Variants in ARHGAP35 observed in about 807,000 individuals in gnomAD.
The protein encoded by ARHGAP35 is rho GTPase-activating protein 35.
Under a neutral mutation model 111.1 loss-of-function variants are expected in ARHGAP35, and 15 were observed. The observed-to-expected ratio is 0.13, with a 90% confidence interval of 0.09 to 0.21. The LOEUF is 0.21. Ranked by LOEUF, ARHGAP35 falls within the 10% of genes least tolerant of loss-of-function variation. The pLI is 1.00. For synonymous variants in ARHGAP35, 643 were observed against 710.3 expected (o/e 0.91, Z 1.51); for missense variants, 1,262 against 1,873.0 (o/e 0.67, Z 6.02).
In ARHGAP35 at chr19:46,887,509, C is replaced by T. The variant is rs147424983; in HGVS notation, c.-189+26300C>T. Among the ~76,000 whole-genome samples, 30 of 152,166 alleles carry T rather than the reference C, an allele frequency of 2.0e-4. No homozygotes were observed. The East Asian group carries it at 5.4e-3, about 27-fold the overall frequency. On this transcript the variant is annotated intron_variant, in intron 1 of 6. Transcript: ENST00000672722. ...CTTTTTTGTATATCTAAAATTATTC[C>T]AGAGTAAGAAATTGAAATAGAAGCT...
At chr19:46,882,290 A>G (rs1405667313) in intron 1 of ARHGAP35, among the ~76,000 whole-genome samples, 2 of 150,002 alleles carry the variant, frequency 1.3e-5, no homozygotes, top group African/African-American at 2.4e-5. Flanking sequence ...ATATGCCACC[A>G]TCCCTGGCTA....
intron 3 of ARHGAP35, among the ~76,000 whole-genome samples, chr19:46,960,400 C>T (rs1489453543): frequency 6.6e-6 from 1 of 152,096 alleles, no homozygotes; most frequent in Non-Finnish European, 1.5e-5. Context: ...ATGTATGAGA[C>T]GGTAGGTGAT....
chr19:46,997,269 C>A (rs2056715943), intron 5 of ARHGAP35, among the ~76,000 whole-genome samples: 1 of 152,164 alleles, frequency 6.6e-6, no homozygotes, highest in Non-Finnish European at 1.5e-5. Flanking sequence ...CTTTTTTAGT[C>A]ATTTCTGATA....
chr19:46,861,496 G>A (rs1200428313), intron 1 of ARHGAP35, among the ~76,000 whole-genome samples: 1 of 142,732 alleles, frequency 7.0e-6, no homozygotes, highest in Non-Finnish European at 1.5e-5. Context: ...GGATCTCGGT[G>A]TCTGCCTCGG....
At chr19:46,932,534 G>A (rs1447506803) in intron 2 of ARHGAP35, among the ~76,000 whole-genome samples, 1 of 152,150 alleles carries the variant, frequency 6.6e-6, no homozygotes, top group African/African-American at 2.4e-5. Context: ...CAGGAGAATG[G>A]CATTTCCATG....
Position 46,999,686 on chromosome 19 carries a change from T to C in ARHGAP35, c.4142+277T>C, listed in dbSNP as rs906089868. On this transcript the variant is annotated intron_variant, in intron 6 of 6. Coordinates refer to ENST00000672722, the MANE Select transcript of ARHGAP35 (RefSeq NM_004491.5). The surrounding 1 kb of genome is among the most constrained non-coding windows in gnomAD (Gnocchi z 5.4). Reference sequence around the variant, plus strand: ...ATAGGGCACTTAGCTCCAGCGGGCATGGGGCCTCTTGTAGGCCTGTGTCCC... The same window carrying C: ...ATAGGGCACTTAGCTCCAGCGGGCACGGGGCCTCTTGTAGGCCTGTGTCCC... 2 of 443,814 alleles carry C rather than the reference T, an allele frequency of 4.5e-6. No individual in the cohort carries two copies. Among genetic ancestry groups the C allele is most frequent in the African/African-American group, 3.9e-5 (2 of 51,134 alleles). The allele number at this position is 443,814 out of a possible 1,614,324, so 27.5% of individuals were successfully genotyped here.
intron 1 of ARHGAP35, among the ~76,000 whole-genome samples, chr19:46,888,437 T>A (rs544818080): frequency 6.1e-5 from 9 of 147,774 alleles, no homozygotes; most frequent in African/African-American, 2.2e-4. Context: ...CTCATGCCCT[T>A]GGGTAACGGT....
chr19:46,862,089 C>T lies in ARHGAP35; in HGVS notation c.-189+880C>T, dbSNP rs182505889. ...CTTGTTCCCGTTTACCATTCAGACC[C>T]TTTCCTCTCTTCCAGACCTTTCTGC... On this transcript the variant is annotated intron_variant, in intron 1 of 6. Coordinates refer to ENST00000672722, the MANE Select transcript of ARHGAP35 (RefSeq NM_004491.5). 3.0e-3 allele frequency among the ~76,000 whole-genome samples: 464 copies of T among 152,254 alleles called. 4 individuals carry two copies. Among genetic ancestry groups the T allele is most frequent in the African/African-American group, 0.011 (442 of 41,552 alleles).
chr19:46,983,754 C>T (rs1356251125), intron 3 of ARHGAP35, among the ~76,000 whole-genome samples: 2 of 151,882 alleles, frequency 1.3e-5, no homozygotes, highest in East Asian at 3.9e-4. Flanking sequence ...GCTGGGACTA[C>T]AGGCACCCGC....
intron 3 of ARHGAP35, among the ~76,000 whole-genome samples, chr19:46,968,827 C>A (rs750025873): frequency 6.6e-6 from 1 of 152,140 alleles, no homozygotes; most frequent in Non-Finnish European, 1.5e-5. Flanking sequence ...TGGCTCACAC[C>A]TGTAATCCCA....
chr19:46,992,462 G>A lies in ARHGAP35; in HGVS notation c.4036+2787G>A, dbSNP rs185305448. Among the ~76,000 whole-genome samples the A allele has an allele frequency of 1.2e-3, 182 of 152,276 alleles. No homozygotes were observed. Among genetic ancestry groups the A allele is most frequent in the Non-Finnish European group, 3.2e-4 (22 of 68,008 alleles). On this transcript the variant is annotated intron_variant, in intron 5 of 6. Transcript: ENST00000672722. The surrounding 1 kb of genome is among the most constrained non-coding windows in gnomAD (Gnocchi z 4.4). Reference sequence around the variant, plus strand: ...TCAGGAGGCAGAAGAAAAGGCTTGCGCTGCCTGTTCTGTCTCCTACCTGTA... The same window carrying A: ...TCAGGAGGCAGAAGAAAAGGCTTGCACTGCCTGTTCTGTCTCCTACCTGTA...
In ARHGAP35 at chr19:46,921,747, C is replaced by T; in HGVS notation, c.3072C>T (p.Phe1024=). ...MELEGNDGLS[F]IMSNFESKLN... The stretch of plus-strand genomic sequence containing the variant: ...TGGAGGGAAATGATGGGCTGTCTTT[C>T]ATTATGAGCAATTTTGAGAGTAAAC... Residue 1024 remains phenylalanine (F), a synonymous_variant, in exon 2 of 7, where the codon TTC becomes TTT. Coordinates refer to ENST00000672722, the MANE Select transcript of ARHGAP35 (RefSeq NM_004491.5). This position sits in a 1 kb window ranked among gnomAD's most constrained non-coding sequence, Gnocchi z 4.3. 6.2e-7 allele frequency: 1 copy of T among 1,614,002 alleles called. No homozygotes were observed. The highest frequency in any genetic ancestry group is 1.3e-5 in the African/African-American group (1 of 75,058).
chr19:46,929,777 G>T (rs2056261376), intron 2 of ARHGAP35, among the ~76,000 whole-genome samples: 1 of 151,358 alleles, frequency 6.6e-6, no homozygotes, highest in Non-Finnish European at 1.5e-5. Flanking sequence ...GCCGGGCTTG[G>T]TGGCACATAT....
At chr19:46,930,446 G>A (rs1599827816) in intron 2 of ARHGAP35, among the ~76,000 whole-genome samples, 1 of 147,004 alleles carries the variant, frequency 6.8e-6, no homozygotes, top group Non-Finnish European at 1.5e-5. Flanking sequence ...AATCACTAGG[G>A]CTGGTGTCCA....
At chr19:46,870,222 T>C (rs2055880547) in intron 1 of ARHGAP35, among the ~76,000 whole-genome samples, 1 of 151,634 alleles carries the variant, frequency 6.6e-6, no homozygotes, top group African/African-American at 2.4e-5. Context: ...GTGCTGGGAT[T>C]ACAGGCGTGA....
At chr19:46,900,876 C>A (rs530911035) in intron 1 of ARHGAP35, among the ~76,000 whole-genome samples, 1 of 152,350 alleles carries the variant, frequency 6.6e-6, no homozygotes, top group East Asian at 1.9e-4. Flanking sequence ...TCCCTCATGG[C>A]TGCTCCCACG....
intron 3 of ARHGAP35, among the ~76,000 whole-genome samples, chr19:46,979,368 G>A (rs1407747082): frequency 1.3e-5 from 2 of 152,138 alleles, no homozygotes; most frequent in Admixed American, 6.5e-5. Flanking sequence ...TTTGCAGAGC[G>A]CAGTCGGCTC....
intron 1 of ARHGAP35, among the ~76,000 whole-genome samples, chr19:46,916,415 C>A (rs909899460): frequency 7.1e-6 from 1 of 140,348 alleles, no homozygotes; most frequent in African/African-American, 2.8e-5. Context: ...CTTCATACTT[C>A]AGGTCTCACC....
At chr19:46,984,897 G>A (rs993572428) in intron 3 of ARHGAP35, among the ~76,000 whole-genome samples, 3 of 152,198 alleles carry the variant, frequency 2.0e-5, no homozygotes, top group Non-Finnish European at 2.9e-5. Flanking sequence ...CCTCAGTCCC[G>A]CTGAAGGTCA....
Sources: allele counts gnomAD v4.1 joint callset (sites outside exome capture counted in the v4.1 genomes callset), GRCh38; gene constraint gnomAD v4.1.1; non-coding constraint Gnocchi (gnomAD v3.1); transcripts MANE v1.5; gene names NCBI Gene and HGNC (gene_info 2026-07-23, HGNC 2026-07-21).